Variants in KRT77 observed in about 807,000 individuals in gnomAD.
The protein encoded by KRT77 is keratin, type II cytoskeletal 1b.
A neutral mutation model predicts 51.5 loss-of-function variants in KRT77; 44 were observed. The ratio of observed to expected loss-of-function variants is 0.85; its 90% CI spans 0.67 to 1.10. The LOEUF is 1.10. Among genes scored for constraint, KRT77 ranks in the 50% least tolerant of loss-of-function variants. KRT77 has a pLI of 0.00. For missense variants in KRT77, 763 were observed against 743.9 expected, an observed-to-expected ratio of 1.03 and a Z score of -0.30; for synonymous variants, 293 against 302.0, an observed-to-expected ratio of 0.97 and a Z score of 0.31.
intron 7 of KRT77, 63 bp from the exon 8 acceptor site, chr12:52,692,035 C>A: frequency 6.4e-7 from 1 of 1,561,192 alleles, no homozygotes; most frequent in East Asian, 2.2e-5. Context: ...GGCTGTGGCC[C>A]ACAGACATCT....
intron 2 of KRT77, 116 bp from the exon 3 acceptor site, chr12:52,696,546 A>T: frequency 4.8e-6 from 4 of 839,770 alleles, no homozygotes; most frequent in Non-Finnish European, 7.9e-6. Context: ...CTGGGTTCAG[A>T]GAACCCTGCT....
At chr12:52,701,581 T>C (rs991875643) in intron 1 of KRT77, among the ~76,000 whole-genome samples, 4 of 152,200 alleles carry the variant, frequency 2.6e-5, no homozygotes, top group African/African-American at 9.6e-5. Context: ...TCTGTGGGGC[T>C]TCCCACTGCA....
Position 52,702,919 on chromosome 12 carries a change from G to T in KRT77, c.516C>A (p.Asn172Lys). The T allele has an allele frequency of 6.2e-7, 1 of 1,614,070 alleles. No individual in the cohort carries two copies. The highest frequency in any genetic ancestry group is 8.5e-7 in the Non-Finnish European group (1 of 1,180,024). Reference protein sequence around the residue: ...TQEREQIMVLNNKFASFIDKV... With the variant: ...TQEREQIMVLKNKFASFIDKV... ...TGTCAATGAAGGAGGCAAACTTGTTGTTGAGAACCATAATCTGCTCCCGCT... is the reference window on the plus strand; with the variant it reads ...TGTCAATGAAGGAGGCAAACTTGTTTTTGAGAACCATAATCTGCTCCCGCT... The change falls in exon 1 of 9, where the codon AAC (asparagine) becomes AAA (lysine). Residue 172 changes from asparagine (N) to lysine (K), a missense_variant. Coordinates refer to ENST00000341809, the MANE Select transcript of KRT77 (RefSeq NM_175078.3).
chr12:52,701,933 C>T (rs1941891886), intron 1 of KRT77, among the ~76,000 whole-genome samples: 1 of 152,220 alleles, frequency 6.6e-6, no homozygotes, highest in African/African-American at 2.4e-5. Flanking sequence ...CTCCACTTCT[C>T]TCCTCCACCC....
At position 52,703,073 on chromosome 12, in the gene KRT77, T is replaced by C; in HGVS notation, c.362A>G (p.Asn121Ser). 1.2e-6 allele frequency: 2 copies of C among 1,613,268 alleles called. No individual in the cohort carries two copies. The highest frequency in any genetic ancestry group is 1.7e-6 in the Non-Finnish European group (2 of 1,179,860). Reference protein sequence around the residue: ...GFGGAGFGTSNFGLGGFGPYC... With the variant: ...GFGGAGFGTSSFGLGGFGPYC... ...AGGACCAAAGCCCCCAAGCCCAAAA[T>C]TGCTAGTCCCAAATCCAGCACCCCC... Residue 121 changes from asparagine to serine, a missense_variant, in exon 1 of 9, where the codon AAT (asparagine) becomes AGT (serine). Asn to Ser is a conservative substitution (Grantham distance 46). Transcript: ENST00000341809.
chr12:52,695,710 C>T (rs901670674), intron 4 of KRT77, 62 bp downstream of exon 4: 1 of 1,202,480 alleles, frequency 8.3e-7, no homozygotes. Flanking sequence ...TCCCCTCTTA[C>T]AGCCCATACT....
chr12:52,702,254 G>T (rs894618641), intron 1 of KRT77, among the ~76,000 whole-genome samples: 1 of 152,186 alleles, frequency 6.6e-6, no homozygotes, highest in Non-Finnish European at 1.5e-5. Flanking sequence ...CTCCTTGATG[G>T]CAGGACCTGT....
At chr12:52,692,317 T>C (rs929698997) in intron 7 of KRT77, 104 bp downstream of exon 7, 8 of 1,313,176 alleles carry the variant, frequency 6.1e-6, no homozygotes, top group Middle Eastern at 2.5e-4. Flanking sequence ...GGGCTACCAA[T>C]CTTCCCAAAA....
intron 1 of KRT77, chr12:52,698,135 A>C (rs1239823862): frequency 7.0e-7 from 1 of 1,425,040 alleles, no homozygotes; most frequent in Non-Finnish European, 9.3e-7. Context: ...TCTGGTTTTG[A>C]AGGTAAATCA....
Position 52,702,903 on chromosome 12 carries a change from A to C in KRT77, c.532T>G (p.Phe178Val). The change falls in exon 1 of 9, where the codon TTC (phenylalanine) becomes GTC (valine). Residue 178 changes from phenylalanine (F) to valine (V), a missense_variant. Transcript: ENST00000341809. ...CCTGAGGTGCTCACCTTGTCAATGA[A>C]GGAGGCAAACTTGTTGTTGAGAACC... ...IMVLNNKFAS[F>V]IDKVRFLEQQ... 1 of 1,613,982 alleles carries C rather than the reference A, an allele frequency of 6.2e-7. No individual in the cohort carries two copies. The highest frequency in any genetic ancestry group is 8.5e-7 in the Non-Finnish European group (1 of 1,179,982).
At chr12:52,696,288 T>C in intron 3 of KRT77, 82 bp downstream of exon 3, 1 of 1,379,386 alleles carries the variant, frequency 7.2e-7, no homozygotes, top group Non-Finnish European at 1.0e-6. Context: ...CCTGCCGTTG[T>C]CACAGAGCAT....
intron 1 of KRT77, among the ~76,000 whole-genome samples, chr12:52,700,378 T>C (rs553826912): frequency 6.6e-6 from 1 of 152,010 alleles, no homozygotes; most frequent in Non-Finnish European, 1.5e-5. Flanking sequence ...GGCCGGGGCA[T>C]AGGAACACTG....
At chr12:52,692,942 G>A in intron 5 of KRT77, 62 bp from the exon 6 acceptor site, 1 of 1,572,396 alleles carries the variant, frequency 6.4e-7, no homozygotes, top group Admixed American at 1.7e-5. Context: ...CTCCAGGAGG[G>A]AGTAGGTCTG....
intron 1 of KRT77, among the ~76,000 whole-genome samples, chr12:52,701,651 G>C (rs1464755137): frequency 6.6e-6 from 1 of 152,230 alleles, no homozygotes; most frequent in Non-Finnish European, 1.5e-5. Flanking sequence ...TCGACCTCCA[G>C]ACAAAAGGAG....
intron 1 of KRT77, among the ~76,000 whole-genome samples, chr12:52,700,764 G>A (rs1049565206): frequency 3.9e-5 from 6 of 152,210 alleles, no homozygotes; most frequent in East Asian, 1.9e-4. Flanking sequence ...GTAATATAGG[G>A]CCTTGTAGGA....
chr12:52,692,087 T>C, intron 7 of KRT77, 115 bp from the exon 8 acceptor site: 1 of 1,136,246 alleles, frequency 8.8e-7, no homozygotes, highest in South Asian at 1.3e-5. Flanking sequence ...TGTGTGTGCA[T>C]GAGCAGAGGT....
In KRT77 at chr12:52,691,112, T is replaced by C. The variant is rs1941696824; in HGVS notation, c.*53A>G. 8 of 1,610,390 alleles carry C rather than the reference T, an allele frequency of 5.0e-6. No homozygotes were observed. In the South Asian group the frequency reaches 7.7e-5, roughly 16 times the overall value. On this transcript the variant is annotated 3_prime_UTR_variant, in exon 9 of 9. Transcript: ENST00000341809. ...TCAGGAAGGGCGTGGAGGGGAGGAG[T>C]TTGAGGAGAGGGCGGTGAGGGGCAG...
At chr12:52,700,655 C>T (rs191745118) in intron 1 of KRT77, among the ~76,000 whole-genome samples, 263 of 152,260 alleles carry the variant, frequency 1.7e-3, no homozygotes, top group Non-Finnish European at 3.1e-3. Flanking sequence ...TGCTTACTAG[C>T]CATTGTATCC....
At chr12:52,701,155 C>T (rs1877549) in intron 1 of KRT77, among the ~76,000 whole-genome samples, 110,906 of 152,116 alleles carry the variant, frequency 0.73, 40,759 homozygotes, top group Non-Finnish European at 0.77. Context: ...CAGTTGCCAG[C>T]GGCCTGTGGT....
Sources: gnomAD v4.1 joint callset for allele counts (sites outside exome capture counted in the v4.1 genomes callset) on GRCh38, gnomAD v4.1.1 for gene constraint, MANE v1.5 for transcripts, NCBI Gene and HGNC (gene_info 2026-07-23, HGNC 2026-07-21) for gene names.